UGT1A10: variants seen among roughly 807,000 people sequenced by gnomAD.
UGT1A10 encodes the protein UDP-glucuronosyltransferase 1A10.
A neutral mutation model predicts 45.8 loss-of-function variants in UGT1A10; 49 were observed. That is an observed-to-expected ratio of 1.07 (90% CI 0.85 to 1.36). The LOEUF (loss-of-function observed/expected upper bound fraction) is 1.36. Ranked by LOEUF, UGT1A10 falls within the 40% of genes most tolerant of loss-of-function variation. The pLI, the probability that UGT1A10 is intolerant of heterozygous loss-of-function variation, is 0.00. For missense variants in UGT1A10, 745 were observed against 668.6 expected (o/e 1.11, Z -1.26); for synonymous variants, 284 against 249.7 (o/e 1.14, Z -1.29).
At chr2:233,728,554 T>C (rs2077726263) in intron 1 of UGT1A10, among the ~76,000 whole-genome samples, 1 of 152,200 alleles carries the variant, frequency 6.6e-6, no homozygotes, top group Non-Finnish European at 1.5e-5. Flanking sequence ...CTCTGATCCT[T>C]ACAAGAAATA....
At chr2:233,737,644 A>G (rs548345975) in intron 1 of UGT1A10, among the ~76,000 whole-genome samples, 1 of 152,248 alleles carries the variant, frequency 6.6e-6, no homozygotes, top group Admixed American at 6.5e-5. Context: ...TGCGTCGATC[A>G]TGCTGGGAGC....
chr2:233,731,410 T>C (rs2078155663), intron 1 of UGT1A10, among the ~76,000 whole-genome samples: 1 of 152,132 alleles, frequency 6.6e-6, no homozygotes. Flanking sequence ...ACATTAGGTA[T>C]TTTTCCTAAT....
At chr2:233,692,672 T>G (rs1295423428) in intron 1 of UGT1A10, among the ~76,000 whole-genome samples, 1 of 152,104 alleles carries the variant, frequency 6.6e-6, no homozygotes, top group African/African-American at 2.4e-5. Context: ...GGATAGAGAA[T>G]TGGCAGGGGG....
intron 1 of UGT1A10, among the ~76,000 whole-genome samples, chr2:233,642,086 A>G (rs2073468245): frequency 6.6e-6 from 1 of 152,158 alleles, no homozygotes; most frequent in African/African-American, 2.4e-5. Context: ...ATCCCTTTGA[A>G]TAAACTTTCT....
chr2:233,647,375 G>A (rs1239724617), intron 1 of UGT1A10, among the ~76,000 whole-genome samples: 1 of 152,118 alleles, frequency 6.6e-6, no homozygotes, highest in African/African-American at 2.4e-5. Context: ...ATCTGGTTTT[G>A]GTATTGTGGT....
At chr2:233,700,989 G>A (rs1010357196) in intron 1 of UGT1A10, among the ~76,000 whole-genome samples, 4 of 152,026 alleles carry the variant, frequency 2.6e-5, no homozygotes, top group African/African-American at 7.2e-5. Flanking sequence ...TTGTCCTTGC[G>A]ATAGTTTGCT....
At chr2:233,691,652 C>T (rs2075051422) in intron 1 of UGT1A10, 2 of 984,984 alleles carry the variant, frequency 2.0e-6, no homozygotes, top group Non-Finnish European at 2.4e-6. Context: ...CCAGTGTGAC[C>T]CTCCCTTTCT....
At chr2:233,646,261 G>A (rs2073599580) in intron 1 of UGT1A10, among the ~76,000 whole-genome samples, 1 of 152,188 alleles carries the variant, frequency 6.6e-6, no homozygotes, top group African/African-American at 2.4e-5. Flanking sequence ...TTTCCTCCTA[G>A]GCCTCCAGGC....
chr2:233,682,202 G>C (rs547107317), intron 1 of UGT1A10: 6 of 1,614,244 alleles, frequency 3.7e-6, no homozygotes, highest in Non-Finnish European at 5.1e-6. Flanking sequence ...TCAGGACCGG[G>C]AGTTCATGGT....
chr2:233,727,875 C>T (rs1348465171), intron 1 of UGT1A10, among the ~76,000 whole-genome samples: 1 of 152,196 alleles, frequency 6.6e-6, no homozygotes, highest in Non-Finnish European at 1.5e-5. Flanking sequence ...CTCAGCCTCA[C>T]CAGCAATGGC....
Position 233,677,103 on chromosome 2 carries a change from G to T in UGT1A10, c.855+39726G>T, listed in dbSNP as rs28970013. On this transcript the variant is annotated intron_variant, in intron 1 of 4. Coordinates refer to ENST00000344644, the MANE Select transcript of UGT1A10 (RefSeq NM_019075.4). ...CAAAAATCCTGCTAGGATTTTGATT[G>T]GGATTGTATTTTATTTATAGATCAA... Among the ~76,000 whole-genome samples, 549 of 152,062 alleles carry T rather than the reference G, an allele frequency of 3.6e-3. 6 individuals carry two copies. The highest frequency in any genetic ancestry group is 0.013 in the African/African-American group (525 of 41,468).
At chr2:233,649,503 C>G (rs1291473913) in intron 1 of UGT1A10, among the ~76,000 whole-genome samples, 2 of 152,166 alleles carry the variant, frequency 1.3e-5, no homozygotes, top group Non-Finnish European at 2.9e-5. Flanking sequence ...TATATATAAG[C>G]ATATATGTAA....
intron 1 of UGT1A10, among the ~76,000 whole-genome samples, chr2:233,653,607 G>C (rs2073789075): frequency 6.6e-6 from 1 of 151,930 alleles, no homozygotes; most frequent in African/African-American, 2.4e-5. Flanking sequence ...GTTTTGTTTT[G>C]TTTTTTTGAG....
intron 1 of UGT1A10, chr2:233,755,161 C>A (rs1553619056): frequency 1.5e-6 from 2 of 1,292,236 alleles, no homozygotes; most frequent in East Asian, 4.6e-5. Context: ...TCCCTGTCCT[C>A]GGGGTTTTTG....
Position 233,648,145 on chromosome 2 carries a change from C to A in UGT1A10, c.855+10768C>A, listed in dbSNP as rs149460120. ...TGCTCAATGGGAAGCAGAAGTACGA[C>A]GCTTATTTTCTCTATTAATGAGTTC... On this transcript the variant is annotated intron_variant, in intron 1 of 4. Coordinates refer to ENST00000344644, the MANE Select transcript of UGT1A10 (RefSeq NM_019075.4). The A allele has an allele frequency of 1.8e-4, 226 of 1,255,460 alleles. No individual in the cohort carries two copies. In the African/African-American group the frequency reaches 1.8e-3, roughly 10 times the overall value. 77.8% of individuals were successfully genotyped at this position (1,255,460 alleles called of 1,614,324 possible). A position where few individuals can be genotyped will look rare whatever the true frequency, so the allele number is the denominator to read the frequency against.
intron 1 of UGT1A10, chr2:233,729,683 A>G (rs997425766): frequency 5.0e-6 from 8 of 1,613,836 alleles, no homozygotes; most frequent in African/African-American, 1.3e-5. Context: ...AAGGGCACAC[A>G]GTGTCCAAAC....
intron 1 of UGT1A10, among the ~76,000 whole-genome samples, chr2:233,671,539 A>G (rs1350775366): frequency 6.6e-6 from 1 of 152,210 alleles, no homozygotes; most frequent in Non-Finnish European, 1.5e-5. Context: ...GGTTGCCTAA[A>G]GGTAAAATCT....
At chr2:233,744,714 G>C (rs1253738430) in intron 1 of UGT1A10, among the ~76,000 whole-genome samples, 4 of 151,880 alleles carry the variant, frequency 2.6e-5, no homozygotes, top group Non-Finnish European at 5.9e-5. Context: ...ACACTTGTGA[G>C]AGAATGACGG....
intron 1 of UGT1A10, among the ~76,000 whole-genome samples, chr2:233,663,707 T>C (rs2074018398): frequency 6.6e-6 from 1 of 152,184 alleles, no homozygotes; most frequent in African/African-American, 2.4e-5. Context: ...TTTAAACAAC[T>C]ATAAAATAAG....
Sources: gnomAD v4.1 joint callset for allele counts (sites outside exome capture counted in the v4.1 genomes callset) on GRCh38, gnomAD v4.1.1 for gene constraint, MANE v1.5 for transcripts, NCBI Gene and HGNC (gene_info 2026-07-23, HGNC 2026-07-21) for gene names.